The following MMS22L variants were observed in gnomAD, a reference collection of about 807,000 sequenced individuals.
MMS22L encodes MMS22 like, DNA repair protein.
Under a neutral mutation model 159.1 loss-of-function variants are expected in MMS22L, and 74 were observed. That is an observed-to-expected ratio of 0.47 (90% confidence interval 0.39 to 0.56). MMS22L has a LOEUF of 0.56. MMS22L is among the 20% of genes least tolerant of loss of function. The probability of loss-of-function intolerance (pLI) is 0.00; values close to 1 mark genes in which losing one functional copy is unlikely to be tolerated. For synonymous variants in MMS22L, 517 were observed against 506.9 expected, an observed-to-expected ratio of 1.02 and a Z score of -0.27; for missense variants, 1,351 against 1,422.1, an observed-to-expected ratio of 0.95 and a Z score of 0.80.
Position 97,157,878 on chromosome 6 carries a change from AGTTTCACAAGGAAT to A in MMS22L, c.3385+4110_3385+4123del, listed in dbSNP as rs1308535508. Among the ~76,000 whole-genome samples the A allele has an allele frequency of 1.6e-4, 25 of 152,254 alleles. 1 individual carries two copies. The South Asian group carries it at 2.9e-3, about 18-fold the overall frequency. ...TCCCTCTTTTTCTATTGATTGGAAT[AGTTTCACAAGGAAT>A]GTTTCCAGCTCCTCCTTGTAACTCT... On this transcript the variant is annotated intron_variant, in intron 22 of 24. Transcript: ENST00000683635.
At chr6:97,204,115 T>A (rs1295064790) in intron 14 of MMS22L, among the ~76,000 whole-genome samples, 1 of 152,126 alleles carries the variant, frequency 6.6e-6, no homozygotes, top group Non-Finnish European at 1.5e-5. Flanking sequence ...ATAGAAAAAG[T>A]TGTTGTTGTT....
chr6:97,250,174 TAGAA>T (rs764708338), intron 10 of MMS22L, among the ~76,000 whole-genome samples: 10 of 152,126 alleles, frequency 6.6e-5, no homozygotes, highest in Admixed American at 4.6e-4. Context: ...AATCTGCTGA[TAGAA>T]AGCAGGTAGG....
intron 10 of MMS22L, among the ~76,000 whole-genome samples, chr6:97,251,687 T>A (rs1441838587): frequency 6.6e-6 from 1 of 152,216 alleles, no homozygotes. Context: ...CTGACAAATA[T>A]TAAAAGACGC....
At chr6:97,272,919 G>A in intron 5 of MMS22L, 38 bp from the exon 6 acceptor site, 2 of 1,606,736 alleles carry the variant, frequency 1.2e-6, no homozygotes, top group Non-Finnish European at 1.7e-6. Flanking sequence ...ACTAGAGTCT[G>A]TGTGAATACA....
At chr6:97,169,360 T>C (rs1803292473) in intron 19 of MMS22L, among the ~76,000 whole-genome samples, 1 of 152,050 alleles carries the variant, frequency 6.6e-6, no homozygotes, top group Non-Finnish European at 1.5e-5. Context: ...TACTGAAAAA[T>C]GAATTTAAAA....
At chr6:97,255,087 G>A (rs924375418) in intron 9 of MMS22L, among the ~76,000 whole-genome samples, 4 of 151,772 alleles carry the variant, frequency 2.6e-5, no homozygotes, top group Non-Finnish European at 4.4e-5. Flanking sequence ...ATTCTCAAGC[G>A]GCTTGTTTCT....
intron 21 of MMS22L, among the ~76,000 whole-genome samples, chr6:97,163,947 G>A (rs1375094444): frequency 1.3e-5 from 2 of 152,028 alleles, no homozygotes; most frequent in Non-Finnish European, 2.9e-5. Flanking sequence ...GGATTGCAGA[G>A]AGCTAAGGAG....
chr6:97,234,105 C>A lies in MMS22L; in HGVS notation c.1183-125G>T, dbSNP rs1811153109. 5 of 1,048,912 alleles carry A rather than the reference C, an allele frequency of 4.8e-6. No homozygotes were observed. The South Asian group carries it at 9.7e-5, about 20-fold the overall frequency. The allele number at this position is 1,048,912 out of a possible 1,614,324, so 65.0% of individuals were successfully genotyped here. ...AATAAATATGTGTCACCCAATCATA[C>A]CCATTCTCATATGCAGACTAGGTCT... On this transcript the variant is annotated intron_variant, in intron 11 of 24. Coordinates refer to ENST00000683635, the MANE Select transcript of MMS22L (RefSeq NM_001350599.2).
At chr6:97,280,210 T>G (rs1464163966) in intron 3 of MMS22L, among the ~76,000 whole-genome samples, 1 of 152,230 alleles carries the variant, frequency 6.6e-6, no homozygotes, top group Non-Finnish European at 1.5e-5. Context: ...ATGTATCACA[T>G]ATAGATTTTT....
chr6:97,195,796 C>A (rs1582564262), intron 14 of MMS22L, among the ~76,000 whole-genome samples: 1 of 152,092 alleles, frequency 6.6e-6, no homozygotes, highest in South Asian at 2.1e-4. Context: ...CAAGAACTGA[C>A]TAAAGATAAA....
At chr6:97,275,756 G>C (rs1021826295) in intron 4 of MMS22L, among the ~76,000 whole-genome samples, 8 of 152,218 alleles carry the variant, frequency 5.3e-5, no homozygotes, top group African/African-American at 1.9e-4. Flanking sequence ...TATAATGCTA[G>C]CACTTTAGGA....
At chr6:97,267,689 T>C (rs1340777908) in intron 8 of MMS22L, 183 bp downstream of exon 8, 2 of 413,824 alleles carry the variant, frequency 4.8e-6, no homozygotes, top group African/African-American at 2.1e-5. Flanking sequence ...AAATACCAAT[T>C]CCAGCCTCTT....
intron 6 of MMS22L, 51 bp from the exon 7 acceptor site, chr6:97,270,043 G>C (rs772055390): frequency 7.1e-6 from 10 of 1,402,682 alleles, no homozygotes; most frequent in South Asian, 2.4e-5. Context: ...TATTTTACTA[G>C]GTATTTCATA....
At chr6:97,227,963 T>C (rs989072511) in intron 14 of MMS22L, among the ~76,000 whole-genome samples, 23 of 152,232 alleles carry the variant, frequency 1.5e-4, no homozygotes, top group Admixed American at 1.5e-3. Context: ...ACAGTAAGTT[T>C]TGTATAGGTG....
At chr6:97,244,432 G>A (rs1457260859) in intron 11 of MMS22L, among the ~76,000 whole-genome samples, 2 of 152,142 alleles carry the variant, frequency 1.3e-5, no homozygotes, top group Non-Finnish European at 2.9e-5. Context: ...ATTGATCCTG[G>A]GTGTGTCTGT....
chr6:97,245,769 A>T (rs1020792585), intron 11 of MMS22L, among the ~76,000 whole-genome samples: 4 of 151,888 alleles, frequency 2.6e-5, no homozygotes, highest in African/African-American at 9.7e-5. Flanking sequence ...TATGTTTCCT[A>T]AAAAAGTAAG....
intron 19 of MMS22L, among the ~76,000 whole-genome samples, chr6:97,168,637 T>G (rs570253173): frequency 6.6e-6 from 1 of 152,214 alleles, no homozygotes; most frequent in South Asian, 2.1e-4. Context: ...ACTGGTTAAG[T>G]ATACTACAAG....
chr6:97,194,351 C>CG, intron 14 of MMS22L, among the ~76,000 whole-genome samples: 1 of 152,008 alleles, frequency 6.6e-6, no homozygotes, highest in South Asian at 2.1e-4. Context: ...CCACCATGCC[C>CG]GGCCGAGGGT....
intron 14 of MMS22L, among the ~76,000 whole-genome samples, chr6:97,202,190 A>T (rs1043394388): frequency 6.6e-6 from 1 of 152,202 alleles, no homozygotes. Context: ...AAAGGACATA[A>T]ATAGAGCTCA....
Sources: allele counts gnomAD v4.1 joint callset (sites outside exome capture counted in the v4.1 genomes callset), GRCh38; gene constraint gnomAD v4.1.1; transcripts MANE v1.5; gene names NCBI Gene and HGNC (gene_info 2026-07-23, HGNC 2026-07-21).